The following CACNA2D3 variants were observed in gnomAD, a reference collection of about 807,000 sequenced individuals.
CACNA2D3 encodes calcium voltage-gated channel auxiliary subunit alpha2delta 3.
Under a neutral mutation model 160.6 loss-of-function variants are expected in CACNA2D3, and 60 were observed. The observed-to-expected ratio is 0.37, with a 90% CI of 0.30 to 0.46. The LOEUF is 0.46. Ranked by LOEUF, CACNA2D3 falls within the 20% of genes least tolerant of loss-of-function variation. CACNA2D3 has a pLI of 1.00. For missense variants in CACNA2D3, 1,205 were observed against 1,365.0 expected, an observed-to-expected ratio of 0.88 and a Z score of 1.85; for synonymous variants, 558 against 492.9, an observed-to-expected ratio of 1.13 and a Z score of -1.75.
intron 2 of CACNA2D3, among the ~76,000 whole-genome samples, chr3:54,149,883 G>GTCTCTCTCTCTCTCTC (rs554851240): frequency 1.3e-4 from 8 of 60,766 alleles, no homozygotes; most frequent in African/African-American, 2.2e-4. Context: ...TGAAGTATCT[G>GTCTCTCTCTCTCTCTC]TCTCTCTCTC....
chr3:54,401,475 CAAAG>C (rs1203246005), intron 4 of CACNA2D3, among the ~76,000 whole-genome samples: 2 of 152,004 alleles, frequency 1.3e-5, no homozygotes, highest in Non-Finnish European at 2.9e-5. Flanking sequence ...AAGTCAATGA[CAAAG>C]AGATAATTTT....
intron 2 of CACNA2D3, among the ~76,000 whole-genome samples, chr3:54,168,882 G>A (rs926007164): frequency 1.3e-5 from 2 of 152,174 alleles, no homozygotes; most frequent in Admixed American, 1.3e-4. Flanking sequence ...CATCCCAGGG[G>A]TTCTGTTCTG....
chr3:54,860,899 G>GT (rs1699276832), intron 17 of CACNA2D3, among the ~76,000 whole-genome samples: 1 of 152,210 alleles, frequency 6.6e-6, no homozygotes, highest in African/African-American at 2.4e-5. Context: ...GGTTAAATGA[G>GT]TTAATGTTCC....
At chr3:54,779,379 G>T (rs1702489769) in intron 13 of CACNA2D3, among the ~76,000 whole-genome samples, 1 of 152,178 alleles carries the variant, frequency 6.6e-6, no homozygotes, top group Non-Finnish European at 1.5e-5. Flanking sequence ...GATTACAGGT[G>T]TGAGCTACCA....
At chr3:54,126,592 T>C (rs776693661) in intron 2 of CACNA2D3, among the ~76,000 whole-genome samples, 4 of 152,216 alleles carry the variant, frequency 2.6e-5, no homozygotes, top group African/African-American at 2.4e-5. Flanking sequence ...AGAAATAGGA[T>C]AGTTTTGATT....
chr3:54,720,219 T>C (rs1199119139), intron 11 of CACNA2D3, among the ~76,000 whole-genome samples: 2 of 152,050 alleles, frequency 1.3e-5, no homozygotes, highest in Non-Finnish European at 2.9e-5. Flanking sequence ...CCTTAGATTA[T>C]TGGTTTCCAG....
At chr3:54,129,166 C>A (rs1699656918) in intron 2 of CACNA2D3, among the ~76,000 whole-genome samples, 1 of 152,194 alleles carries the variant, frequency 6.6e-6, no homozygotes, top group Non-Finnish European at 1.5e-5. Flanking sequence ...AATGTAAAAC[C>A]AGACTCTAAG....
At chr3:55,071,895 G>C (rs1704819044) in intron 35 of CACNA2D3, among the ~76,000 whole-genome samples, 1 of 152,112 alleles carries the variant, frequency 6.6e-6, no homozygotes. Context: ...TTGTCTTTGA[G>C]ACTCTGTTAA....
chr3:54,649,877 T>G lies in CACNA2D3; in HGVS notation c.1167+7636T>G, dbSNP rs186869315. 2.6e-3 allele frequency among the ~76,000 whole-genome samples: 393 copies of G among 152,326 alleles called. 3 individuals carry two copies. Among genetic ancestry groups the G allele is most frequent in the African/African-American group, 9.1e-3 (377 of 41,582 alleles). ...GACCTATCCATAAATTAACAACCCT[T>G]ATTTTGCCTTGTGTTACACTTTAGG... On this transcript the variant is annotated intron_variant, in intron 11 of 37. Transcript: ENST00000474759.
intron 27 of CACNA2D3, among the ~76,000 whole-genome samples, chr3:54,949,597 CAG>C (rs1178756969): frequency 1.3e-5 from 2 of 152,176 alleles, no homozygotes; most frequent in African/African-American, 4.8e-5. Flanking sequence ...GCACTGGAAT[CAG>C]GGCACATTAT....
intron 3 of CACNA2D3, among the ~76,000 whole-genome samples, chr3:54,359,390 G>C (rs1698704379): frequency 6.6e-6 from 1 of 152,214 alleles, no homozygotes; most frequent in South Asian, 2.1e-4. Flanking sequence ...CAGAGTGTGT[G>C]TTTTGGCATA....
intron 9 of CACNA2D3, among the ~76,000 whole-genome samples, chr3:54,585,239 G>T (rs1702739818): frequency 6.6e-6 from 1 of 152,146 alleles, no homozygotes; most frequent in Non-Finnish European, 1.5e-5. Context: ...TATTTTAAAA[G>T]TGTGAAGGGT....
intron 16 of CACNA2D3, among the ~76,000 whole-genome samples, chr3:54,839,074 G>T (rs1354953064): frequency 6.6e-6 from 1 of 152,078 alleles, no homozygotes. Flanking sequence ...TGGCTAACAC[G>T]GTGAAACCCC....
intron 31 of CACNA2D3, among the ~76,000 whole-genome samples, chr3:54,997,247 C>T (rs1702878409): frequency 1.3e-5 from 2 of 152,130 alleles, no homozygotes; most frequent in Non-Finnish European, 2.9e-5. Flanking sequence ...GGGGAAGAAA[C>T]AACACAAGAA....
intron 13 of CACNA2D3, among the ~76,000 whole-genome samples, chr3:54,800,060 A>G (rs1180750383): frequency 6.6e-6 from 1 of 152,234 alleles, no homozygotes; most frequent in African/African-American, 2.4e-5. Context: ...CCAGCAGCTT[A>G]GAGCATCCAA....
chr3:54,499,668 C>G (rs1344381421), intron 4 of CACNA2D3, among the ~76,000 whole-genome samples: 1 of 152,110 alleles, frequency 6.6e-6, no homozygotes, highest in East Asian at 1.9e-4. Flanking sequence ...GTTGTCTAAT[C>G]TCCAAATATT....
chr3:55,065,775 TTG>T (rs1288107440), intron 35 of CACNA2D3, among the ~76,000 whole-genome samples: 1 of 151,444 alleles, frequency 6.6e-6, no homozygotes, highest in Non-Finnish European at 1.5e-5. Flanking sequence ...GAAAAAAAAA[TTG>T]TTTCATGTTT....
chr3:54,567,885 G>A (rs754185754), intron 6 of CACNA2D3, among the ~76,000 whole-genome samples: 12 of 152,194 alleles, frequency 7.9e-5, no homozygotes, highest in East Asian at 1.9e-4. Context: ...AAAACACTGC[G>A]CTTTAAAGAC....
intron 8 of CACNA2D3, among the ~76,000 whole-genome samples, chr3:54,576,995 C>T (rs1702595028): frequency 6.6e-6 from 1 of 152,108 alleles, no homozygotes; most frequent in Admixed American, 6.6e-5. Flanking sequence ...TGTGATCACA[C>T]CACTGCACTC....
Sources: allele counts gnomAD v4.1 joint callset (sites outside exome capture counted in the v4.1 genomes callset), GRCh38; gene constraint gnomAD v4.1.1; transcripts MANE v1.5; gene names NCBI Gene and HGNC (gene_info 2026-07-23, HGNC 2026-07-21).